ZFHX3: variants seen among roughly 807,000 people sequenced by gnomAD.
The protein encoded by ZFHX3 is zinc finger homeobox 3, also known as zinc finger homeobox protein 3.
A neutral mutation model predicts 279.1 loss-of-function variants in ZFHX3; 42 were observed. The observed-to-expected ratio is 0.15, with a 90% CI of 0.12 to 0.19. The LOEUF (loss-of-function observed/expected upper bound fraction) is 0.19. ZFHX3 is among the 10% of genes least tolerant of loss of function. The pLI is 1.00. For synonymous variants in ZFHX3, 2,293 were observed against 1,957.8 expected, an observed-to-expected ratio of 1.17 and a Z score of -4.52; for missense variants, 4,981 against 4,754.0, an observed-to-expected ratio of 1.05 and a Z score of -1.40.
At chr16:72,948,787 G>C (rs1960832542) in intron 3 of ZFHX3, among the ~76,000 whole-genome samples, 1 of 152,162 alleles carries the variant, frequency 6.6e-6, no homozygotes, top group Non-Finnish European at 1.5e-5. Context: ...TTACTCAGTT[G>C]GGTCCTTTGG....
At chr16:73,870,944 T>C (rs963410544) in intron 1 of ZFHX3, among the ~76,000 whole-genome samples, 1 of 152,184 alleles carries the variant, frequency 6.6e-6, no homozygotes, top group Admixed American at 6.5e-5. Context: ...GAATCGTGTT[T>C]TGCATTGACT....
chr16:72,840,020 G>C (rs538498398), intron 4 of ZFHX3, among the ~76,000 whole-genome samples: 1 of 152,198 alleles, frequency 6.6e-6, no homozygotes, highest in East Asian at 1.9e-4. Context: ...ATGAGTGATA[G>C]AGAGTAAATT....
At chr16:73,291,491 G>A (rs2014769575) in intron 4 of ZFHX3, among the ~76,000 whole-genome samples, 2 of 152,298 alleles carry the variant, frequency 1.3e-5, no homozygotes, top group South Asian at 4.2e-4. Flanking sequence ...CCACATTCTG[G>A]CAGAAAGAGA....
chr16:73,068,943 G>A (rs991714898), intron 8 of ZFHX3, among the ~76,000 whole-genome samples: 2 of 152,184 alleles, frequency 1.3e-5, no homozygotes, highest in African/African-American at 2.4e-5. Context: ...ACCAACTCTG[G>A]CCTCCATGCG....
intron 5 of ZFHX3, among the ~76,000 whole-genome samples, chr16:73,169,233 T>C (rs79057717): frequency 6.6e-6 from 1 of 152,200 alleles, no homozygotes; most frequent in African/African-American, 2.4e-5. Context: ...TGAGTCATGC[T>C]AGGTGGTGGG....
Position 72,959,827 on chromosome 16 carries a change from G to A in ZFHX3, c.319C>T (p.Pro107Ser), listed in dbSNP as rs1293318221. Residue 107 changes from proline (P) to serine (S), a missense_variant, in exon 2 of 10, where the codon CCC becomes TCC. Physicochemically the swap from Pro to Ser is moderately conservative, Grantham distance 74 (BLOSUM62 -1). This residue lies in a region of ZFHX3 where 1,068 missense variants were observed against 935.2 expected (regional missense o/e 1.14). Transcript: ENST00000268489. ...HHCPSARPPP[P>S]LREESASDTG... ...TCGCTGGCGCTCTCCTCTCTCAGGG[G>A]TGGCGGGGGGCGCGCGCTGGGGCAG... is the stretch of plus-strand genomic sequence containing the variant. The A allele has an allele frequency of 2.5e-6, 4 of 1,594,370 alleles. No individual in the cohort carries two copies. The Admixed American group carries it at 5.1e-5, about 20-fold the overall frequency.
chr16:73,709,440 A>C (rs2053336262), intron 1 of ZFHX3, among the ~76,000 whole-genome samples: 1 of 152,066 alleles, frequency 6.6e-6, no homozygotes, highest in South Asian at 2.1e-4. Context: ...ACAGAACACT[A>C]TCCAGCCTTA....
chr16:72,926,978 G>C (rs1192249373), intron 3 of ZFHX3, among the ~76,000 whole-genome samples: 1 of 152,232 alleles, frequency 6.6e-6, no homozygotes, highest in Non-Finnish European at 1.5e-5. Flanking sequence ...AGGAGACAGA[G>C]AACAGGGTGT....
At chr16:73,146,464 G>C (rs1399952061) in intron 5 of ZFHX3, among the ~76,000 whole-genome samples, 1 of 151,816 alleles carries the variant, frequency 6.6e-6, no homozygotes, top group Non-Finnish European at 1.5e-5. Context: ...AAGGCATACG[G>C]ACCATGGAGG....
At chr16:73,470,903 C>T (rs1358277192) in intron 2 of ZFHX3, among the ~76,000 whole-genome samples, 1 of 152,182 alleles carries the variant, frequency 6.6e-6, no homozygotes, top group Admixed American at 6.5e-5. Context: ...TGAACATCTA[C>T]TCTTCATTTC....
chr16:73,787,592 T>C (rs767797490), intron 1 of ZFHX3, among the ~76,000 whole-genome samples: 43 of 152,146 alleles, frequency 2.8e-4, no homozygotes, highest in Admixed American at 1.1e-3. Flanking sequence ...TGTTTAGTCC[T>C]AGGAATGAAG....
chr16:72,898,629 A>T (rs1218775568), intron 3 of ZFHX3, among the ~76,000 whole-genome samples: 6 of 151,772 alleles, frequency 4.0e-5, no homozygotes, highest in Non-Finnish European at 5.9e-5. Context: ...AACAGATTTC[A>T]CTTCCCTCTG....
At chr16:73,133,191 C>G (rs191264846) in intron 6 of ZFHX3, among the ~76,000 whole-genome samples, 2 of 152,238 alleles carry the variant, frequency 1.3e-5, no homozygotes, top group African/African-American at 4.8e-5. Flanking sequence ...CCCCAGTATC[C>G]CAGAATGTGA....
intron 5 of ZFHX3, among the ~76,000 whole-genome samples, chr16:73,231,139 A>G (rs2012759916): frequency 6.6e-6 from 1 of 152,148 alleles, no homozygotes; most frequent in East Asian, 1.9e-4. Context: ...AGAGAGCTGG[A>G]AGGCTTTTCT....
At chr16:73,491,521 A>G (rs1191505320) in intron 2 of ZFHX3, among the ~76,000 whole-genome samples, 1 of 152,234 alleles carries the variant, frequency 6.6e-6, no homozygotes, top group South Asian at 2.1e-4. Context: ...TAAACCATTC[A>G]GAAATCCGTG....
At chr16:73,003,630 A>C (rs1963585436) in intron 1 of ZFHX3, among the ~76,000 whole-genome samples, 1 of 151,744 alleles carries the variant, frequency 6.6e-6, no homozygotes, top group African/African-American at 2.4e-5. Flanking sequence ...CGCCTGAACC[A>C]GGGAGGCAGG....
intron 2 of ZFHX3, among the ~76,000 whole-genome samples, chr16:73,567,694 T>C (rs1297794645): frequency 6.6e-6 from 1 of 152,212 alleles, no homozygotes; most frequent in Non-Finnish European, 1.5e-5. Flanking sequence ...TTGTTCTCAT[T>C]CCGAGTCTGG....
At chr16:73,183,190 G>T (rs1268089864) in intron 5 of ZFHX3, among the ~76,000 whole-genome samples, 2 of 152,138 alleles carry the variant, frequency 1.3e-5, no homozygotes, top group African/African-American at 4.8e-5. Context: ...GGGCAACAGA[G>T]TAAGACTCCG....
chr16:73,793,516 G>A (rs746299979), intron 1 of ZFHX3, among the ~76,000 whole-genome samples: 4 of 152,204 alleles, frequency 2.6e-5, no homozygotes, highest in Non-Finnish European at 5.9e-5. Flanking sequence ...GCAATAAAAA[G>A]CACTTTGCTT....
Sources: gnomAD v4.1 joint callset for allele counts (sites outside exome capture counted in the v4.1 genomes callset) on GRCh38, gnomAD v4.1.1 for gene constraint, gnomAD v4.1.1 regional missense constraint, MANE v1.5 for transcripts, NCBI Gene and HGNC (gene_info 2026-07-23, HGNC 2026-07-21) for gene names.